Variants in ZNF385D observed in about 807,000 individuals in gnomAD.
ZNF385D encodes the protein zinc finger protein 659.
In ZNF385D, 15 loss-of-function variants were observed where a neutral mutation model predicts 35.8. The ratio of observed to expected loss-of-function variants is 0.42; its 90% CI spans 0.28 to 0.64. The LOEUF is 0.64. ZNF385D is among the 30% of genes least tolerant of loss of function. The pLI, the probability that ZNF385D is intolerant of heterozygous loss-of-function variation, is 0.23. For missense variants in ZNF385D, 474 were observed against 494.6 expected (o/e 0.96, Z 0.39); for synonymous variants, 212 against 186.8 (o/e 1.13, Z -1.10).
At chr3:21,818,519 A>C (rs1383329209) in intron 3 of ZNF385D, among the ~76,000 whole-genome samples, 2 of 152,190 alleles carry the variant, frequency 1.3e-5, no homozygotes, top group Non-Finnish European at 2.9e-5. Flanking sequence ...GTTAATTTTT[A>C]AATAAAAAGC....
At chr3:22,317,053 G>A (rs892264458) in intron 2 of ZNF385D, among the ~76,000 whole-genome samples, 8 of 151,842 alleles carry the variant, frequency 5.3e-5, no homozygotes, top group Non-Finnish European at 7.4e-5. Context: ...CGAGGTGGGC[G>A]GATTACCTGA....
chr3:22,260,211 C>T (rs535188307), intron 2 of ZNF385D, among the ~76,000 whole-genome samples: 18 of 151,882 alleles, frequency 1.2e-4, no homozygotes, highest in Non-Finnish European at 1.6e-4. Context: ...AAATGGAAGC[C>T]TTCATTCTCA....
rs1426017730 is a variant in ZNF385D at position 22,004,555 on chromosome 3, A to T, written c.325+164262T>A. On this transcript the variant is annotated intron_variant, in intron 3 of 5. Coordinates refer to the ZNF385D transcript ENST00000494108. ...CATCTGACAAAAGGCTAATATTCAG[A>T]ATACAAGCTGGGAGCTCCTTAGGGC... Among the ~76,000 whole-genome samples, 5 of 152,186 alleles carry T rather than the reference A, an allele frequency of 3.3e-5. No homozygotes were observed. In the East Asian group the frequency reaches 7.7e-4, roughly 23 times the overall value.
intron 2 of ZNF385D, among the ~76,000 whole-genome samples, chr3:21,591,515 TTAA>T (rs1315957193): frequency 6.6e-6 from 1 of 152,118 alleles, no homozygotes; most frequent in Non-Finnish European, 1.5e-5. Flanking sequence ...ACTATAATAA[TTAA>T]TGTTGTTTTA....
chr3:22,145,218 A>T (rs1704777538), intron 3 of ZNF385D, among the ~76,000 whole-genome samples: 2 of 152,210 alleles, frequency 1.3e-5, no homozygotes, highest in African/African-American at 2.4e-5. Flanking sequence ...TGTTCTCTCT[A>T]TGCCTTGCAA....
chr3:22,173,600 T>C (rs1288344243), intron 2 of ZNF385D, among the ~76,000 whole-genome samples: 2 of 152,332 alleles, frequency 1.3e-5, no homozygotes, highest in African/African-American at 4.8e-5. Flanking sequence ...TTCTGTTCTC[T>C]TTATCCCTTG....
chr3:22,044,974 C>T (rs921545799), intron 3 of ZNF385D, among the ~76,000 whole-genome samples: 9 of 152,086 alleles, frequency 5.9e-5, no homozygotes, highest in African/African-American at 1.9e-4. Flanking sequence ...GATTGTGCCA[C>T]TGCCCTCCAG....
At position 21,539,477 on chromosome 3, in the gene ZNF385D, G is replaced by T. The variant is rs2062120636; in HGVS notation, c.276+25097C>A. Among the ~76,000 whole-genome samples the T allele has an allele frequency of 6.6e-6, 1 of 152,112 alleles. No homozygotes were observed. Among genetic ancestry groups the T allele is most frequent in the African/African-American group, 2.4e-5 (1 of 41,512 alleles). ...AAGAAATTTTAATTTTTGTAATTAG[G>T]CCTTTTAATAGAAGGACATGACTTC... On this transcript the variant is annotated intron_variant, in intron 3 of 7. Transcript: ENST00000281523. This position sits in a 1 kb window ranked among gnomAD's most constrained non-coding sequence, Gnocchi z 4.0.
chr3:21,641,388 G>T (rs947506761), intron 2 of ZNF385D, among the ~76,000 whole-genome samples: 13 of 151,280 alleles, frequency 8.6e-5, no homozygotes, highest in Admixed American at 4.6e-4. Context: ...GGAGGTGAGA[G>T]GTATGTGGGG....
intron 3 of ZNF385D, among the ~76,000 whole-genome samples, chr3:21,980,679 T>C (rs1270886702): frequency 6.6e-6 from 1 of 152,154 alleles, no homozygotes; most frequent in Non-Finnish European, 1.5e-5. Context: ...TTAAGCCCAG[T>C]ATCCAATAGT....
chr3:22,034,724 T>G (rs1399693567), intron 3 of ZNF385D, among the ~76,000 whole-genome samples: 1 of 152,170 alleles, frequency 6.6e-6, no homozygotes, highest in African/African-American at 2.4e-5. Context: ...ATTTCACAAA[T>G]GTTTTAATTC....
rs138769293 is a variant in ZNF385D at position 21,869,284 on chromosome 3, G to A, written c.326-204256C>T. ...AATAGCATAACATTGGGATGGGACC[G>A]AAAATCCTCTTCAGAGGCGGACATA... On this transcript the variant is annotated intron_variant, in intron 3 of 5. Transcript: ENST00000494108. Among the ~76,000 whole-genome samples the A allele has an allele frequency of 1.9e-4, 29 of 152,200 alleles. No individual in the cohort carries two copies. In the East Asian group the frequency reaches 4.8e-3, roughly 25 times the overall value.
intron 3 of ZNF385D, among the ~76,000 whole-genome samples, chr3:22,101,668 G>A (rs528061808): frequency 4.0e-5 from 6 of 151,338 alleles, no homozygotes; most frequent in South Asian, 2.1e-4. Flanking sequence ...GGGCATGTAC[G>A]TTTTGCAACA....
chr3:21,611,548 C>A (rs1046579590), intron 2 of ZNF385D, among the ~76,000 whole-genome samples: 4 of 152,124 alleles, frequency 2.6e-5, no homozygotes, highest in African/African-American at 9.7e-5. Flanking sequence ...GCAGACATGA[C>A]AAAATCATTT....
chr3:22,006,687 A>G (rs1421487057), intron 3 of ZNF385D, among the ~76,000 whole-genome samples: 1 of 152,078 alleles, frequency 6.6e-6, no homozygotes, highest in East Asian at 1.9e-4. Context: ...ATTTTTGGCA[A>G]TACAGCATAT....
chr3:21,436,738 T>C lies in ZNF385D; in HGVS notation c.673+232A>G, dbSNP rs1288500037. 7 of 451,120 alleles carry C rather than the reference T, an allele frequency of 1.6e-5. No individual in the cohort carries two copies. In the East Asian group the frequency reaches 2.0e-4, roughly 13 times the overall value. The allele number at this position is 451,120 out of a possible 1,614,324, so 27.9% of individuals were successfully genotyped here. A position where few individuals can be genotyped will look rare whatever the true frequency, so the allele number is the denominator to read the frequency against. On this transcript the variant is annotated intron_variant, in intron 5 of 7. Coordinates refer to ENST00000281523, the MANE Select transcript of ZNF385D (RefSeq NM_024697.3). ...GTATTTCATTTTATCTCCTAATGTT[T>C]AATAACACACACATACACACACACC...
At chr3:22,208,278 C>T (rs1369701436) in intron 2 of ZNF385D, among the ~76,000 whole-genome samples, 1 of 151,834 alleles carries the variant, frequency 6.6e-6, no homozygotes, top group Admixed American at 6.6e-5. Flanking sequence ...GAGATCCTGT[C>T]ATTTGCAACA....
At chr3:22,109,993 C>A (rs986137958) in intron 3 of ZNF385D, among the ~76,000 whole-genome samples, 1 of 152,046 alleles carries the variant, frequency 6.6e-6, no homozygotes. Context: ...GAACAGACAC[C>A]TCTCAAAAGA....
At chr3:22,264,169 T>C (rs1216329714) in intron 2 of ZNF385D, among the ~76,000 whole-genome samples, 2 of 151,960 alleles carry the variant, frequency 1.3e-5, no homozygotes, top group Admixed American at 6.6e-5. Flanking sequence ...ATAAGATCAA[T>C]TTGGACTAGG....
Sources: allele counts gnomAD v4.1 joint callset (sites outside exome capture counted in the v4.1 genomes callset), GRCh38; gene constraint gnomAD v4.1.1; non-coding constraint Gnocchi (gnomAD v3.1); transcripts MANE v1.5; gene names NCBI Gene and HGNC (gene_info 2026-07-23, HGNC 2026-07-21).